The following ZWILCH variants were observed in gnomAD, a reference collection of about 807,000 sequenced individuals.
ZWILCH encodes zwilch kinetochore protein.
A neutral mutation model predicts 79.9 loss-of-function variants in ZWILCH; 74 were observed. That is an observed-to-expected ratio of 0.93 (90% confidence interval 0.77 to 1.12). The LOEUF (loss-of-function observed/expected upper bound fraction) is 1.12, where lower values mean the gene tolerates loss of function less well. ZWILCH is among the 50% of genes most tolerant of loss of function. The pLI, the probability that ZWILCH is intolerant of heterozygous loss-of-function variation, is 0.00. For synonymous variants in ZWILCH, 241 were observed against 228.2 expected (o/e 1.06, Z -0.51); for missense variants, 694 against 687.5 (o/e 1.01, Z -0.11).
chr15:66,514,075 GA>G lies in ZWILCH; in HGVS notation c.198del (p.Val67CysfsTer3). On this transcript the variant is annotated frameshift_variant, in exon 3 of 19. Coordinates refer to ENST00000307897, the MANE Select transcript of ZWILCH (RefSeq NM_017975.5). LOFTEE classifies it high-confidence loss of function. ...TGAAAATGACATAGTATTCATAGTG[GA>G]AAAAGTGGTAAGTACTGGTTTGACT... ...LNENDIVFIV[E>X]KVPLEKEETS... 1.2e-6 allele frequency: 2 copies of G among 1,604,532 alleles called. No homozygotes were observed. The highest frequency in any genetic ancestry group is 8.5e-7 in the Non-Finnish European group (1 of 1,176,164).
chr15:66,514,215 T>C, intron 3 of ZWILCH, 132 bp downstream of exon 3: 1 of 579,672 alleles, frequency 1.7e-6, no homozygotes, highest in Non-Finnish European at 3.1e-6. Flanking sequence ...GGAGTAAGTG[T>C]AGTGCTGTCC....
chr15:66,515,678 A>G, intron 4 of ZWILCH, 34 bp downstream of exon 4: 1 of 1,400,718 alleles, frequency 7.1e-7, no homozygotes. Context: ...AGGGGTGGCA[A>G]CTAGGATTTA....
At chr15:66,515,665 A>C (rs778131036) in intron 4 of ZWILCH, 21 bp downstream of exon 4, 2 of 1,506,258 alleles carry the variant, frequency 1.3e-6, no homozygotes, top group Admixed American at 3.4e-5. Flanking sequence ...TCTTATGCTG[A>C]GTAGGGGTGG....
chr15:66,544,723 TTTGTGTGTGTGTGTG>T (rs959118895), intron 17 of ZWILCH, among the ~76,000 whole-genome samples: 3 of 114,880 alleles, frequency 2.6e-5, no homozygotes, highest in South Asian at 7.3e-4. Flanking sequence ...TTTTTTGGTT[TTTGTGTGTGTGTGTG>T]TGTGTGTGTG....
At chr15:66,512,963 T>C (rs1894123161) in intron 2 of ZWILCH, among the ~76,000 whole-genome samples, 1 of 152,116 alleles carries the variant, frequency 6.6e-6, no homozygotes, top group African/African-American at 2.4e-5. Flanking sequence ...CTGCCTGATA[T>C]TTTGTAGTCT....
In ZWILCH at chr15:66,521,133, C is replaced by A; in HGVS notation, c.675C>A (p.Ile225=). 1 of 1,614,102 alleles carries A rather than the reference C, an allele frequency of 6.2e-7. No homozygotes were observed. Among genetic ancestry groups the A allele is most frequent in the Non-Finnish European group, 8.5e-7 (1 of 1,180,018 alleles). The change falls in exon 7 of 19, where the codon ATC becomes ATA. Residue 225 remains isoleucine (I), a synonymous_variant. Transcript: ENST00000307897. ...CAATCACAGCATCACAAACTGCGAT[C>A]GCTTTGGATATTTCCTGGAGTCCTG... The part of the protein sequence containing the change: ...DDTITASQTA[I]ALDISWSPVD...
At chr15:66,536,442 A>C (rs529412590) in intron 15 of ZWILCH, among the ~76,000 whole-genome samples, 2 of 152,394 alleles carry the variant, frequency 1.3e-5, no homozygotes, top group East Asian at 3.9e-4. Context: ...CAATGGAATC[A>C]AATAGTACTA....
chr15:66,524,723 G>A (rs28648714), intron 8 of ZWILCH, among the ~76,000 whole-genome samples: 1 of 152,042 alleles, frequency 6.6e-6, no homozygotes, highest in African/African-American at 2.4e-5. Flanking sequence ...TTACCATCTA[G>A]CATAGTACCA....
chr15:66,541,427 T>TA (rs1204867987), intron 17 of ZWILCH, among the ~76,000 whole-genome samples: 2 of 152,150 alleles, frequency 1.3e-5, no homozygotes, highest in African/African-American at 2.4e-5. Context: ...GAACTTTTAC[T>TA]AAAAGAGATC....
rs772332368 is a variant in ZWILCH, at chr15:66,548,177, TAAAC to T, written c.*27-171_*27-168del. 16 of 190,310 alleles carry T rather than the reference TAAAC, an allele frequency of 8.4e-5. 1 individual carries two copies. In the South Asian group the frequency reaches 2.0e-3, roughly 24 times the overall value. The allele number at this position is 190,310 out of a possible 1,614,324, so 11.8% of individuals were successfully genotyped here. Reference sequence around the variant, plus strand: ...TATTTCTGGACAGATTTTAGAGTGATAAACAATCAAGTCACAACAGTTTGTATAC... The same window carrying T: ...TATTTCTGGACAGATTTTAGAGTGATAATCAAGTCACAACAGTTTGTATAC... On this transcript the variant is annotated intron_variant, in intron 18 of 18. Transcript: ENST00000307897.
At chr15:66,512,564 C>T (rs957152145) in intron 2 of ZWILCH, among the ~76,000 whole-genome samples, 1 of 151,878 alleles carries the variant, frequency 6.6e-6, no homozygotes, top group African/African-American at 2.4e-5. Flanking sequence ...TATATTTAAA[C>T]AGAGTTATAT....
intron 17 of ZWILCH, among the ~76,000 whole-genome samples, chr15:66,541,390 T>C (rs1451390273): frequency 6.6e-6 from 1 of 152,116 alleles, no homozygotes; most frequent in Non-Finnish European, 1.5e-5. Context: ...CAGAAAAGAA[T>C]GCTTTTTCTC....
rs556019037 is a variant in ZWILCH, at chr15:66,508,978, T to C, written c.105+86T>C. On this transcript the variant is annotated intron_variant, in intron 2 of 18. Transcript: ENST00000307897. ...ATTTTGAGACGGAGTCATGCTCTGT[T>C]ACCCAGGCTGGAGTGCAGTGGCGCG... 1.3e-5 allele frequency: 17 copies of C among 1,324,724 alleles called. No homozygotes were observed. The East Asian group carries it at 3.7e-4, about 29-fold the overall frequency. The allele number at this position is 1,324,724 out of a possible 1,614,324, so 82.1% of individuals were successfully genotyped here.
intron 2 of ZWILCH, among the ~76,000 whole-genome samples, chr15:66,513,167 G>A (rs1410138021): frequency 1.3e-5 from 2 of 152,196 alleles, no homozygotes; most frequent in Non-Finnish European, 2.9e-5. Flanking sequence ...CTGACCTCAA[G>A]TGATGTATCC....
chr15:66,517,801 C>T (rs1249614610), intron 4 of ZWILCH, among the ~76,000 whole-genome samples: 10 of 124,410 alleles, frequency 8.0e-5, no homozygotes, highest in Admixed American at 3.0e-4. Flanking sequence ...GGCGTGATCT[C>T]GGCTCACAGC....
At chr15:66,517,201 A>G (rs550773412) in intron 4 of ZWILCH, among the ~76,000 whole-genome samples, 1 of 151,774 alleles carries the variant, frequency 6.6e-6, no homozygotes, top group Admixed American at 6.6e-5. Context: ...AGATTCACCA[A>G]TTGCTTAGAT....
chr15:66,514,212 G>A (rs922835527), intron 3 of ZWILCH, 129 bp downstream of exon 3: 1 of 576,414 alleles, frequency 1.7e-6, no homozygotes. Context: ...TTAGGAGTAA[G>A]TGTAGTGCTG....
intron 5 of ZWILCH, 67 bp from the exon 6 acceptor site, chr15:66,520,523 A>G: frequency 1.3e-6 from 1 of 793,454 alleles, no homozygotes; most frequent in Non-Finnish European, 2.1e-6. Flanking sequence ...GAGGGATTAC[A>G]GTTTTGTAGC....
At chr15:66,506,098 G>A (rs1316064234) in intron 1 of ZWILCH, among the ~76,000 whole-genome samples, 1 of 152,206 alleles carries the variant, frequency 6.6e-6, no homozygotes, top group Admixed American at 6.5e-5. Flanking sequence ...ATAAATGCTA[G>A]GTGTAACGGA....
Sources: gnomAD v4.1 joint callset for allele counts (sites outside exome capture counted in the v4.1 genomes callset) on GRCh38, gnomAD v4.1.1 for gene constraint, MANE v1.5 for transcripts, NCBI Gene and HGNC (gene_info 2026-07-23, HGNC 2026-07-21) for gene names.